Variants in PDCD2 observed in about 807,000 individuals in gnomAD.
PDCD2 encodes the protein uS5 assembly chaperone PDCD2.
Under a neutral mutation model 38.1 loss-of-function variants are expected in PDCD2, and 38 were observed. The observed-to-expected ratio is 1.00, with a 90% CI of 0.77 to 1.31. PDCD2 has a LOEUF of 1.31. PDCD2 is among the 50% of genes most tolerant of loss of function. The pLI is 0.00. For synonymous variants in PDCD2, 205 were observed against 168.9 expected (o/e 1.21, Z -1.66); for missense variants, 473 against 435.7 (o/e 1.09, Z -0.76).
Position 170,576,903 on chromosome 6 carries a change from TC to T in PDCD2, c.*655del, listed in dbSNP as rs1192156220. On this transcript the variant is annotated 3_prime_UTR_variant, in exon 6 of 6. Coordinates refer to ENST00000541970, the MANE Select transcript of PDCD2 (RefSeq NM_002598.4). Reference sequence around the variant, plus strand: ...ATCACAAAGCCACTGTTGTTCCTCATCCTGCCAACTGTGATACTGCTGCTTC... The same window carrying T: ...ATCACAAAGCCACTGTTGTTCCTCATCTGCCAACTGTGATACTGCTGCTTC... The T allele has an allele frequency of 6.6e-6, 1 of 152,232 alleles. No homozygotes were observed. Among genetic ancestry groups the T allele is most frequent in the African/African-American group, 2.4e-5 (1 of 41,450 alleles). The allele number at this position is 152,232 out of a possible 1,614,324, so 9.4% of individuals were successfully genotyped here. A position where few individuals can be genotyped will look rare whatever the true frequency, so the allele number is the denominator to read the frequency against.
intron 3 of PDCD2, chr6:170,582,289 C>A (rs1779632372): frequency 6.6e-7 from 1 of 1,514,756 alleles, no homozygotes; most frequent in South Asian, 1.2e-5. Context: ...CAAGGTCAGG[C>A]ACAGAGTAAG....
chr6:170,581,597 A>G (rs1292042405), intron 3 of PDCD2: 1 of 153,978 alleles, frequency 6.5e-6, no homozygotes, highest in African/African-American at 2.4e-5. Flanking sequence ...AAGAGCCTGG[A>G]GTTCCTTTTA....
chr6:170,583,967 A>C, intron 1 of PDCD2: 1 of 558,822 alleles, frequency 1.8e-6, no homozygotes. Context: ...AATAAGACTG[A>C]TCGTTAAGAA....
chr6:170,583,303 C>A, intron 2 of PDCD2, 115 bp from the exon 3 acceptor site: 1 of 919,744 alleles, frequency 1.1e-6, no homozygotes, highest in Non-Finnish European at 1.6e-6. Flanking sequence ...GATAAAGGGT[C>A]ATAAATTAAA....
intron 3 of PDCD2, chr6:170,582,254 C>T: frequency 2.1e-6 from 3 of 1,454,704 alleles, no homozygotes; most frequent in Non-Finnish European, 2.8e-6. Context: ...AGTGTTGCTT[C>T]CCATTATATC....
intron 4 of PDCD2, 199 bp downstream of exon 4, chr6:170,579,803 A>G: frequency 2.0e-6 from 1 of 490,280 alleles, no homozygotes. Flanking sequence ...TTTAGTAACT[A>G]TTAAATGGAT....
intron 3 of PDCD2, chr6:170,582,404 T>A (rs1779637397): frequency 1.3e-6 from 2 of 1,495,968 alleles, no homozygotes; most frequent in Middle Eastern, 2.2e-4. Flanking sequence ...GTTTTGTGTA[T>A]GGCTCAAGGC....
rs1290990714 is a variant in PDCD2 at position 170,584,621 on chromosome 6, G to A, written c.-40C>T. 3 of 1,173,224 alleles carry A rather than the reference G, an allele frequency of 2.6e-6. No individual in the cohort carries two copies. The highest frequency in any genetic ancestry group is 6.6e-5 in the East Asian group (2 of 30,260). The allele number at this position is 1,173,224 out of a possible 1,614,324, so 72.7% of individuals were successfully genotyped here. A position where few individuals can be genotyped will look rare whatever the true frequency, so the allele number is the denominator to read the frequency against. On this transcript the variant is annotated 5_prime_UTR_variant, in exon 1 of 6. Coordinates refer to ENST00000541970, the MANE Select transcript of PDCD2 (RefSeq NM_002598.4). The stretch of plus-strand genomic sequence containing the variant: ...GGCGTGGGGCGCAGCCCACAGCTGG[G>A]TCGGAAGGCGGAAATCGGGCGCCGG...
intron 3 of PDCD2, chr6:170,582,448 G>GA: frequency 1.4e-6 from 2 of 1,429,318 alleles, no homozygotes; most frequent in Non-Finnish European, 1.8e-6. Flanking sequence ...TGTGACCAAA[G>GA]AAAGTTATAC....
chr6:170,580,911 G>A (rs192838626), intron 3 of PDCD2, among the ~76,000 whole-genome samples: 9 of 152,266 alleles, frequency 5.9e-5, no homozygotes, highest in Admixed American at 3.3e-4. Flanking sequence ...GGCACTGATG[G>A]TGTTCACTTG....
At chr6:170,579,920 C>T in intron 4 of PDCD2, 82 bp downstream of exon 4, 1 of 782,854 alleles carries the variant, frequency 1.3e-6, no homozygotes, top group South Asian at 1.5e-5. Context: ...ACTAATGTTA[C>T]TATGAAGTTA....
At chr6:170,583,306 A>T (rs967614790) in intron 2 of PDCD2, 118 bp from the exon 3 acceptor site, 6 of 922,000 alleles carry the variant, frequency 6.5e-6, no homozygotes, top group Non-Finnish European at 9.8e-6. Context: ...AAAGGGTCAT[A>T]AATTAAATGC....
Position 170,576,348 on chromosome 6 carries a change from A to G in PDCD2, c.*1211T>C, listed in dbSNP as rs1779452075. ...ATTACATTAGCAAGTGATGTTACCT[A>G]TGAAAACGTGAGGATTTATGGTGGC... On this transcript the variant is annotated 3_prime_UTR_variant, in exon 6 of 6. Coordinates refer to ENST00000541970, the MANE Select transcript of PDCD2 (RefSeq NM_002598.4). 6.6e-6 allele frequency: 1 copy of G among 152,268 alleles called. No individual in the cohort carries two copies. Among genetic ancestry groups the G allele is most frequent in the Non-Finnish European group, 1.5e-5 (1 of 68,050 alleles). 9.4% of individuals were successfully genotyped at this position (152,268 alleles called of 1,614,324 possible). A position where few individuals can be genotyped will look rare whatever the true frequency, so the allele number is the denominator to read the frequency against.
At chr6:170,577,962 T>G (rs1294020266) in intron 5 of PDCD2, among the ~76,000 whole-genome samples, 1 of 152,250 alleles carries the variant, frequency 6.6e-6, no homozygotes, top group Non-Finnish European at 1.5e-5. Flanking sequence ...TAATGAATTA[T>G]TTTCATTACT....
intron 1 of PDCD2, chr6:170,584,008 G>A: frequency 3.7e-6 from 2 of 547,232 alleles, no homozygotes; most frequent in South Asian, 2.5e-5. Context: ...AAGCTACTGG[G>A]ATCCATCTTT....
In PDCD2 at chr6:170,583,627, C is replaced by A; in HGVS notation, c.404G>T (p.Cys135Phe). 1 of 1,614,056 alleles carries A rather than the reference C, an allele frequency of 6.2e-7. No individual in the cohort carries two copies. The highest frequency in any genetic ancestry group is 8.5e-7 in the Non-Finnish European group (1 of 1,179,966). ...GGGGCCTAAACAGCCACAAACCCTG[C>A]AGAGATGAGCACCAGACTTAAGCTG... ...CLQLKSGAHL[C>F]RVCGCLGPKT... is the part of the protein sequence containing the mutation. Residue 135 changes from cysteine (C) to phenylalanine (F), a missense_variant, in exon 2 of 6, where the codon TGC becomes TTC. Coordinates refer to ENST00000541970, the MANE Select transcript of PDCD2 (RefSeq NM_002598.4).
At chr6:170,578,667 GA>G in intron 5 of PDCD2, 189 bp downstream of exon 5, 1 of 704,160 alleles carries the variant, frequency 1.4e-6, no homozygotes. Flanking sequence ...CTAGGAAACA[GA>G]AAAAAACAAG....
At chr6:170,583,337 G>C in intron 2 of PDCD2, 149 bp from the exon 3 acceptor site, 1 of 924,646 alleles carries the variant, frequency 1.1e-6, no homozygotes, top group East Asian at 2.5e-5. Flanking sequence ...ACATTATTCA[G>C]TGATTCAGAC....
In PDCD2 at chr6:170,576,419, A is replaced by C. The variant is rs1779453620; in HGVS notation, c.*1140T>G. The C allele has an allele frequency of 6.6e-6, 1 of 152,254 alleles. No individual in the cohort carries two copies. Among genetic ancestry groups the C allele is most frequent in the Non-Finnish European group, 1.5e-5 (1 of 68,054 alleles). The allele number at this position is 152,254 out of a possible 1,614,324, so 9.4% of individuals were successfully genotyped here. A position where few individuals can be genotyped will look rare whatever the true frequency, so the allele number is the denominator to read the frequency against. The stretch of plus-strand genomic sequence containing the variant: ...GATGTGTTAGGGGACAATGTGAGCC[A>C]ATGTAGATTAAGGAAATAAGCCTGA... On this transcript the variant is annotated 3_prime_UTR_variant, in exon 6 of 6. Transcript: ENST00000541970.
Sources: allele counts gnomAD v4.1 joint callset (sites outside exome capture counted in the v4.1 genomes callset), GRCh38; gene constraint gnomAD v4.1.1; transcripts MANE v1.5; gene names NCBI Gene and HGNC (gene_info 2026-07-23, HGNC 2026-07-21).